ACBD6: variants seen among roughly 807,000 people sequenced by gnomAD.
The protein encoded by ACBD6 is acyl-CoA binding domain containing 6.
ACBD6 carries 28 observed loss-of-function variants against 37.2 expected under a neutral mutation model. That is an observed-to-expected ratio of 0.75 (90% CI 0.56 to 1.03). ACBD6 has a LOEUF of 1.03. ACBD6 is among the 50% of genes least tolerant of loss of function. The pLI is 0.00. For synonymous variants in ACBD6, 113 were observed against 126.8 expected, an observed-to-expected ratio of 0.89 and a Z score of 0.73; for missense variants, 340 against 337.4, an observed-to-expected ratio of 1.01 and a Z score of -0.06.
chr1:180,386,552 T>C (rs1476617851), intron 6 of ACBD6, among the ~76,000 whole-genome samples: 7 of 152,146 alleles, frequency 4.6e-5, no homozygotes, highest in African/African-American at 1.7e-4. Context: ...AGCACTCTGA[T>C]GACAAAAAAA....
chr1:180,330,068 A>T (rs1651418764), intron 6 of ACBD6, among the ~76,000 whole-genome samples: 1 of 152,146 alleles, frequency 6.6e-6, no homozygotes, highest in Non-Finnish European at 1.5e-5. Flanking sequence ...CAAGGACTTG[A>T]TTCTCTGGAC....
At chr1:180,457,793 G>GTT (rs200745890) in intron 3 of ACBD6, among the ~76,000 whole-genome samples, 88 of 136,602 alleles carry the variant, frequency 6.4e-4, no homozygotes, top group South Asian at 2.4e-3. Context: ...AAAATTAACT[G>GTT]TTTTTTTTTT....
chr1:180,329,695 T>C (rs918081380), intron 6 of ACBD6, among the ~76,000 whole-genome samples: 2 of 152,196 alleles, frequency 1.3e-5, no homozygotes, highest in Non-Finnish European at 2.9e-5. Context: ...TGGAAGCTTG[T>C]ATTCAAATAG....
chr1:180,287,851 CCTTTG>C (rs1349358485), downstream of ACBD6, among the ~76,000 whole-genome samples: 3 of 152,052 alleles, frequency 2.0e-5, no homozygotes, highest in African/African-American at 4.8e-5. Flanking sequence ...TCTGCTTTCT[CCTTTG>C]CTTTGTTTTT....
chr1:180,284,700 AG>A (rs1316178513), downstream of ACBD6, among the ~76,000 whole-genome samples: 2 of 152,166 alleles, frequency 1.3e-5, no homozygotes, highest in Non-Finnish European at 2.9e-5. Context: ...ATAAAACGAA[AG>A]CTCAATGTGT....
At chr1:180,271,806 T>C in exon 14 of ACBD6, 1 of 1,613,312 alleles carries the variant, frequency 6.2e-7, no homozygotes. Flanking sequence ...GGACGCCCCC[T>C]GAGTATGTCC....
intron 3 of ACBD6, among the ~76,000 whole-genome samples, chr1:180,459,717 A>C (rs1007506707): frequency 6.6e-6 from 1 of 152,232 alleles, no homozygotes; most frequent in African/African-American, 2.4e-5. Context: ...TTGTTATTTA[A>C]TTCATAAATT....
chr1:180,430,444 A>G (rs1648767561), intron 3 of ACBD6, among the ~76,000 whole-genome samples, 182 bp from the exon 4 acceptor site: 1 of 152,222 alleles, frequency 6.6e-6, no homozygotes, highest in South Asian at 2.1e-4. Flanking sequence ...TCAGGTCATC[A>G]CAGGAGTGGA....
At position 180,324,479 on chromosome 1, in the gene ACBD6, CA is replaced by C. The variant is rs532386102; in HGVS notation, c.664-9758del. On this transcript the variant is annotated intron_variant, in intron 6 of 7. Coordinates refer to ENST00000367595, the MANE Select transcript of ACBD6 (RefSeq NM_032360.4). ...AACACTGATTGCATAAACAAATAGG[CA>C]AAAAAAAACTAATAAAAACATTTTC... Among the ~76,000 whole-genome samples, 618 of 150,080 alleles carry C rather than the reference CA, an allele frequency of 4.1e-3. 2 individuals carry two copies. The highest frequency in any genetic ancestry group is 6.9e-3 in the African/African-American group (284 of 41,014).
At chr1:180,446,897 T>C (rs961835546) in intron 3 of ACBD6, among the ~76,000 whole-genome samples, 3 of 151,922 alleles carry the variant, frequency 2.0e-5, no homozygotes, top group Admixed American at 2.0e-4. Context: ...AAAAATTAGC[T>C]GGGCATGGTG....
chr1:180,337,767 C>T (rs1336375131), intron 6 of ACBD6, among the ~76,000 whole-genome samples: 1 of 152,284 alleles, frequency 6.6e-6, no homozygotes, highest in Middle Eastern at 3.4e-3. Flanking sequence ...ATCGTCTCAG[C>T]CCAAAATCTC....
chr1:180,324,811 T>C (rs937134425), intron 6 of ACBD6, among the ~76,000 whole-genome samples: 5 of 152,212 alleles, frequency 3.3e-5, no homozygotes, highest in African/African-American at 1.2e-4. Flanking sequence ...CTTTTGTTTG[T>C]CTGACAGTCT....
intron 3 of ACBD6, among the ~76,000 whole-genome samples, chr1:180,456,199 G>A (rs972837992): frequency 2.2e-5 from 3 of 134,512 alleles, no homozygotes; most frequent in Admixed American, 7.8e-5. Flanking sequence ...GCAACAGAGC[G>A]AGACACCATT....
intron 7 of ACBD6, among the ~76,000 whole-genome samples, chr1:180,308,434 GT>G (rs1650469933): frequency 6.6e-6 from 1 of 152,162 alleles, no homozygotes; most frequent in African/African-American, 2.4e-5. Context: ...CTCAAGGGAA[GT>G]TTAGCATTCA....
At position 180,417,550 on chromosome 1, in the gene ACBD6, T is replaced by G. The variant is rs1648150585; in HGVS notation, c.468-4079A>C. On this transcript the variant is annotated intron_variant, in intron 4 of 7. Coordinates refer to ENST00000367595, the MANE Select transcript of ACBD6 (RefSeq NM_032360.4). ...TAACTATTAATCTGTTTTTCTGGAC[T>G]CCTCAATTCTCAGAAAGGAGGGACC... 2.0e-5 allele frequency among the ~76,000 whole-genome samples: 3 copies of G among 152,212 alleles called. No homozygotes were observed. In the South Asian group the frequency reaches 6.2e-4, roughly 31 times the overall value.
intron 11 of ACBD6, chr1:180,273,912 A>C (rs1387233253): frequency 4.0e-6 from 2 of 503,932 alleles, no homozygotes; most frequent in Non-Finnish European, 7.2e-6. Context: ...TTAGTACACG[A>C]GCCACAAGGG....
intron 6 of ACBD6, among the ~76,000 whole-genome samples, chr1:180,382,650 C>G (rs1040838030): frequency 6.6e-6 from 1 of 152,124 alleles, no homozygotes; most frequent in Admixed American, 6.5e-5. Context: ...CACCAGTTCT[C>G]AAACCATTCT....
chr1:180,456,084 T>C (rs1011365313), intron 3 of ACBD6, among the ~76,000 whole-genome samples: 1 of 151,850 alleles, frequency 6.6e-6, no homozygotes, highest in Non-Finnish European at 1.5e-5. Context: ...TGGTGACACA[T>C]GCCTATAGTC....
chr1:180,337,082 G>A (rs1332017304), intron 6 of ACBD6, among the ~76,000 whole-genome samples: 1 of 152,172 alleles, frequency 6.6e-6, no homozygotes, highest in Non-Finnish European at 1.5e-5. Flanking sequence ...GGTACAAGGA[G>A]GAGCTGGTAC....
Sources: gnomAD v4.1 joint callset for allele counts (sites outside exome capture counted in the v4.1 genomes callset) on GRCh38, gnomAD v4.1.1 for gene constraint, MANE v1.5 for transcripts, NCBI Gene and HGNC (gene_info 2026-07-23, HGNC 2026-07-21) for gene names.